Variants in ZNF804A observed in about 807,000 individuals in gnomAD.
ZNF804A encodes the protein zinc finger protein 804A.
A neutral mutation model predicts 16.5 loss-of-function variants in ZNF804A; 2 were observed. The ratio of observed to expected loss-of-function variants is 0.12; its 90% CI spans 0.05 to 0.38. The LOEUF is 0.38. ZNF804A is among the 10% of genes least tolerant of loss of function. The pLI is 0.99. For missense variants in ZNF804A, 1,473 were observed against 1,390.7 expected, an observed-to-expected ratio of 1.06 and a Z score of -0.94; for synonymous variants, 534 against 489.6, an observed-to-expected ratio of 1.09 and a Z score of -1.20.
chr2:184,764,120 A>G (rs1432020009), intron 1 of ZNF804A, among the ~76,000 whole-genome samples: 1 of 152,154 alleles, frequency 6.6e-6, no homozygotes, highest in Non-Finnish European at 1.5e-5. Flanking sequence ...ATAAAACCCA[A>G]CTAAATACAA....
intron 1 of ZNF804A, among the ~76,000 whole-genome samples, chr2:184,664,809 A>G (rs1015227347): frequency 6.6e-6 from 1 of 152,112 alleles, no homozygotes; most frequent in Non-Finnish European, 1.5e-5. Flanking sequence ...TTTTGTCTTT[A>G]CGACAGCTCT....
intron 1 of ZNF804A, among the ~76,000 whole-genome samples, chr2:184,759,185 G>A (rs1694002835): frequency 6.7e-6 from 1 of 150,342 alleles, no homozygotes; most frequent in South Asian, 2.1e-4. Flanking sequence ...CAATCATAGG[G>A]AACCAATTAT....
intron 1 of ZNF804A, among the ~76,000 whole-genome samples, chr2:184,669,349 C>G (rs1250582546): frequency 2.0e-5 from 3 of 151,864 alleles, no homozygotes; most frequent in African/African-American, 7.3e-5. Flanking sequence ...GTTTATGGTT[C>G]TGATTGTAGG....
intron 1 of ZNF804A, among the ~76,000 whole-genome samples, chr2:184,660,292 A>G (rs1281713798): frequency 6.6e-6 from 1 of 152,216 alleles, no homozygotes; most frequent in African/African-American, 2.4e-5. Context: ...TATTTTGCCT[A>G]ATCTGTTTTA....
intron 1 of ZNF804A, among the ~76,000 whole-genome samples, chr2:184,703,507 G>A (rs187232936): frequency 6.6e-6 from 1 of 151,600 alleles, no homozygotes; most frequent in Non-Finnish European, 1.5e-5. Context: ...TCGAGACCAC[G>A]GTGAAACCCC....
intron 1 of ZNF804A, among the ~76,000 whole-genome samples, chr2:184,640,697 C>T (rs1297117863): frequency 6.6e-6 from 1 of 152,080 alleles, no homozygotes; most frequent in Non-Finnish European, 1.5e-5. Context: ...TATTCAAAAA[C>T]ATTTTATTCA....
intron 2 of ZNF804A, among the ~76,000 whole-genome samples, chr2:184,904,831 TC>T (rs1685244580): frequency 6.6e-6 from 1 of 152,098 alleles, no homozygotes; most frequent in Non-Finnish European, 1.5e-5. Flanking sequence ...TGATATCCAG[TC>T]ATTGTCTTTA....
At chr2:184,639,932 G>T (rs751042719) in intron 1 of ZNF804A, among the ~76,000 whole-genome samples, 1 of 152,118 alleles carries the variant, frequency 6.6e-6, no homozygotes, top group African/African-American at 2.4e-5. Flanking sequence ...AACCCCGGAG[G>T]CAGAGCTTGC....
At chr2:184,683,595 T>C (rs141872117) in intron 1 of ZNF804A, among the ~76,000 whole-genome samples, 116 of 152,300 alleles carry the variant, frequency 7.6e-4, no homozygotes, top group African/African-American at 2.7e-3. Flanking sequence ...TGAGCTTCAA[T>C]AGCAAGAACA....
At chr2:184,883,149 T>TG (rs1220393352) in intron 2 of ZNF804A, among the ~76,000 whole-genome samples, 30 of 152,052 alleles carry the variant, frequency 2.0e-4, no homozygotes, top group African/African-American at 7.2e-4. Context: ...GAGGCTACTA[T>TG]AAACATCTGT....
At chr2:184,749,878 TACTA>T (rs973468444) in intron 1 of ZNF804A, among the ~76,000 whole-genome samples, 7 of 151,288 alleles carry the variant, frequency 4.6e-5, no homozygotes, top group East Asian at 1.9e-4. Flanking sequence ...ATTACTTTAA[TACTA>T]ACTATTACAA....
chr2:184,937,272 T>A lies in ZNF804A; in HGVS notation c.1876T>A (p.Tyr626Asn). 6.2e-7 allele frequency: 1 copy of A among 1,613,830 alleles called. No individual in the cohort carries two copies. Among genetic ancestry groups the A allele is most frequent in the Non-Finnish European group, 8.5e-7 (1 of 1,179,904 alleles). ...CTGCAAAATGGAAGCAGAGAATAGT[T>A]ACACTGAAAATGCTGGGAAATATCT... ...TRCKMEAENS[Y>N]TENAGKYLLE... Residue 626 changes from tyrosine (Y) to asparagine (N), a missense_variant, in exon 4 of 4, where the codon TAC becomes AAC. Tyr to Asn is a moderately radical substitution (Grantham distance 143). Transcript: ENST00000302277.
chr2:184,778,324 C>T (rs894159531), intron 1 of ZNF804A, among the ~76,000 whole-genome samples: 1 of 151,530 alleles, frequency 6.6e-6, no homozygotes, highest in South Asian at 2.1e-4. Flanking sequence ...AACCCCTTCT[C>T]TAAAGATGAT....
At chr2:184,929,738 A>C (rs1685667167) in intron 2 of ZNF804A, among the ~76,000 whole-genome samples, 1 of 152,094 alleles carries the variant, frequency 6.6e-6, no homozygotes, top group Non-Finnish European at 1.5e-5. Flanking sequence ...CTTCTTTTAC[A>C]TCTTATTGTA....
intron 1 of ZNF804A, among the ~76,000 whole-genome samples, chr2:184,647,861 C>T (rs1172787018): frequency 6.6e-6 from 1 of 152,056 alleles, no homozygotes; most frequent in African/African-American, 2.4e-5. Flanking sequence ...AGAGAGGAGA[C>T]ATCCAGATAG....
chr2:184,623,593 G>A (rs1355154069), intron 1 of ZNF804A, among the ~76,000 whole-genome samples: 1 of 152,062 alleles, frequency 6.6e-6, no homozygotes. Flanking sequence ...TCAAAGCCAT[G>A]CCTAGCTTTA....
At chr2:184,614,668 C>G (rs1220747184) in intron 1 of ZNF804A, among the ~76,000 whole-genome samples, 1 of 151,600 alleles carries the variant, frequency 6.6e-6, no homozygotes, top group Non-Finnish European at 1.5e-5. Flanking sequence ...ACCATAGTAA[C>G]AGGAACTTAA....
At chr2:184,619,935 G>C (rs1313646058) in intron 1 of ZNF804A, among the ~76,000 whole-genome samples, 1 of 151,614 alleles carries the variant, frequency 6.6e-6, no homozygotes, top group Non-Finnish European at 1.5e-5. Context: ...TAAATCTATA[G>C]GTAACAAAAT....
intron 1 of ZNF804A, among the ~76,000 whole-genome samples, chr2:184,642,683 A>G (rs182426173): frequency 2.7e-4 from 41 of 152,276 alleles, no homozygotes; most frequent in African/African-American, 9.9e-4. Context: ...CTCTGGCAAC[A>G]TCCCCAACTC....
Sources: allele counts gnomAD v4.1 joint callset (sites outside exome capture counted in the v4.1 genomes callset), GRCh38; gene constraint gnomAD v4.1.1; transcripts MANE v1.5; gene names NCBI Gene and HGNC (gene_info 2026-07-23, HGNC 2026-07-21).